The following TJP1 variants were observed in gnomAD, a reference collection of about 807,000 sequenced individuals.
TJP1 encodes tight junction protein ZO-1.
Under a neutral mutation model 194.2 loss-of-function variants are expected in TJP1, and 43 were observed. The ratio of observed to expected loss-of-function variants is 0.22; its 90% CI spans 0.17 to 0.29. The LOEUF is 0.29. Among genes scored for constraint, TJP1 ranks in the 10% least tolerant of loss-of-function variants. The pLI is 1.00. For missense variants in TJP1, 1,971 were observed against 2,185.7 expected (o/e 0.90, Z 1.96); for synonymous variants, 801 against 779.0 (o/e 1.03, Z -0.47).
At chr15:29,782,360 C>T (rs4553573) in intron 2 of TJP1, among the ~76,000 whole-genome samples, 98,847 of 151,994 alleles carry the variant, frequency 0.65, 32,853 homozygotes, top group East Asian at 0.73. Flanking sequence ...CACAGACCAA[C>T]GGAACGTAAC....
chr15:29,736,643 AG>A (rs1381310139), intron 11 of TJP1, among the ~76,000 whole-genome samples: 1 of 152,228 alleles, frequency 6.6e-6, no homozygotes, highest in Non-Finnish European at 1.5e-5. Context: ...TTTATGGGGA[AG>A]GAAGGGAGGA....
In TJP1 at chr15:29,829,084, A is replaced by G. The variant is rs549113243; in HGVS notation, c.307-28382T>C. ...TAAGTCTTGGCTCTTGGCCGGCTCT[A>G]TGTGTGTGTGTTAAGTACAATTTGT... On this transcript the variant is annotated intron_variant, in intron 2 of 28. Coordinates refer to the TJP1 transcript ENST00000356107. Among the ~76,000 whole-genome samples, 5 of 152,202 alleles carry G rather than the reference A, an allele frequency of 3.3e-5. 1 individual carries two copies. The highest frequency in any genetic ancestry group is 7.2e-5 in the African/African-American group (3 of 41,536).
At chr15:29,941,965 G>A (rs549424189) in intron 2 of TJP1, among the ~76,000 whole-genome samples, 1 of 152,300 alleles carries the variant, frequency 6.6e-6, no homozygotes, top group South Asian at 2.1e-4. Flanking sequence ...AAATGGGGAG[G>A]AGAGGTGGCT....
intron 2 of TJP1, among the ~76,000 whole-genome samples, chr15:29,884,551 C>T (rs1351342323): frequency 6.6e-6 from 1 of 152,208 alleles, no homozygotes; most frequent in Non-Finnish European, 1.5e-5. Context: ...AAATACCACA[C>T]TGCTCTTCTG....
chr15:29,824,576 T>C (rs182398726), upstream of TJP1, among the ~76,000 whole-genome samples: 1 of 151,800 alleles, frequency 6.6e-6, no homozygotes, highest in Non-Finnish European at 1.5e-5. Context: ...AAAAAAAAAA[T>C]TGTGATTAAA....
intron 2 of TJP1, among the ~76,000 whole-genome samples, chr15:29,897,657 G>T (rs1457360447): frequency 6.6e-6 from 1 of 152,168 alleles, no homozygotes; most frequent in Non-Finnish European, 1.5e-5. Flanking sequence ...GTGGTACCCT[G>T]AAAAGCCACA....
chr15:29,946,982 G>C (rs2055307384), intron 2 of TJP1, among the ~76,000 whole-genome samples: 1 of 152,116 alleles, frequency 6.6e-6, no homozygotes, highest in South Asian at 2.1e-4. Context: ...GCTACTGCAG[G>C]CACTAAATCT....
intron 2 of TJP1, among the ~76,000 whole-genome samples, chr15:29,870,626 C>A (rs116640058): frequency 2.6e-5 from 4 of 152,128 alleles, no homozygotes; most frequent in Non-Finnish European, 5.9e-5. Context: ...TTTTAGCTTG[C>A]GGGTGAGTGT....
At chr15:29,716,212 C>T (rs1046716826) in intron 23 of TJP1, among the ~76,000 whole-genome samples, 2 of 152,142 alleles carry the variant, frequency 1.3e-5, no homozygotes, top group Non-Finnish European at 2.9e-5. Flanking sequence ...AACAAAAAAC[C>T]TCTTCAGTAT....
In TJP1 at chr15:29,772,165, C is replaced by T; in HGVS notation, c.211G>A (p.Glu71Lys). 4 of 1,589,288 alleles carry T rather than the reference C, an allele frequency of 2.5e-6. No homozygotes were observed. The highest frequency in any genetic ancestry group is 3.4e-6 in the Non-Finnish European group (4 of 1,167,774). Residue 71 changes from glutamate (E) to lysine (K), a missense_variant and splice_region_variant, in exon 4 of 28, where the codon GAA becomes AAA. Transcript: ENST00000614355. ...TTAACCATTGCAACTCGGTCATTTT[C>T]CCTAAGGGGAAAAGGGCACAAAATA... ...KGGPAEGQLQ[E>K]NDRVAMVNGV...
At chr15:29,933,110 T>G (rs550614828) in intron 2 of TJP1, among the ~76,000 whole-genome samples, 8 of 152,158 alleles carry the variant, frequency 5.3e-5, no homozygotes, top group Non-Finnish European at 1.0e-4. Context: ...TGTCAATATT[T>G]TGGATTTTTT....
rs896365992 is a variant in TJP1 at position 29,742,875 on chromosome 15, A to G, written c.1011-94T>C. 1.2e-5 allele frequency: 14 copies of G among 1,160,038 alleles called. No individual in the cohort carries two copies. In the South Asian group the frequency reaches 1.3e-4, roughly 10 times the overall value. The allele number at this position is 1,160,038 out of a possible 1,614,324, so 71.9% of individuals were successfully genotyped here. On this transcript the variant is annotated intron_variant, in intron 8 of 27. Coordinates refer to ENST00000614355, the MANE Select transcript of TJP1 (RefSeq NM_001330239.4). ...TATAAGAAGAGGCAATGCAACTTCAAAAACAATGACAACCTGCTCTAACAG... is the reference window on the plus strand; with the variant it reads ...TATAAGAAGAGGCAATGCAACTTCAGAAACAATGACAACCTGCTCTAACAG...
intron 2 of TJP1, among the ~76,000 whole-genome samples, chr15:29,875,575 A>AT (rs1235999165): frequency 1.3e-5 from 2 of 151,424 alleles, no homozygotes; most frequent in Non-Finnish European, 2.9e-5. Flanking sequence ...TTTTATTTTT[A>AT]TTTTTTTCTG....
chr15:29,801,557 G>A (rs1189900057), intron 1 of TJP1, among the ~76,000 whole-genome samples: 1 of 149,644 alleles, frequency 6.7e-6, no homozygotes, highest in Non-Finnish European at 1.5e-5. Context: ...CGCCTCCCGG[G>A]TTCACGCCAT....
intron 2 of TJP1, among the ~76,000 whole-genome samples, chr15:29,916,965 A>AC (rs895748351): frequency 7.2e-5 from 11 of 151,842 alleles, no homozygotes; most frequent in East Asian, 1.9e-4. Flanking sequence ...CGCACACAGA[A>AC]CCCCCCCTCC....
chr15:29,804,067 G>T (rs1595954513), intron 1 of TJP1, among the ~76,000 whole-genome samples: 1 of 151,170 alleles, frequency 6.6e-6, no homozygotes, highest in South Asian at 2.1e-4. Flanking sequence ...TATATTCCTA[G>T]TTTAAATGAT....
At chr15:29,938,392 T>G (rs1347998182) in intron 2 of TJP1, among the ~76,000 whole-genome samples, 2 of 151,464 alleles carry the variant, frequency 1.3e-5, no homozygotes, top group Non-Finnish European at 2.9e-5. Context: ...GCTTATGTTA[T>G]ATTAAACATG....
chr15:29,951,970 A>C (rs1040748628), intron 2 of TJP1, among the ~76,000 whole-genome samples: 40 of 152,326 alleles, frequency 2.6e-4, no homozygotes, highest in African/African-American at 9.6e-4. Context: ...AAGCTGCAAA[A>C]TTTCAAGCAA....
chr15:29,806,797 T>G (rs887857016), intron 1 of TJP1, among the ~76,000 whole-genome samples: 1 of 152,188 alleles, frequency 6.6e-6, no homozygotes, highest in Non-Finnish European at 1.5e-5. Flanking sequence ...AAGGGAATAG[T>G]GCTACATGTT....
Sources: gnomAD v4.1 joint callset for allele counts (sites outside exome capture counted in the v4.1 genomes callset) on GRCh38, gnomAD v4.1.1 for gene constraint, MANE v1.5 for transcripts, NCBI Gene and HGNC (gene_info 2026-07-23, HGNC 2026-07-21) for gene names.